The following ZMYM4 variants were observed in gnomAD, a reference collection of about 807,000 sequenced individuals.
ZMYM4 encodes zinc finger MYM-type protein 4.
In ZMYM4, 31 loss-of-function variants were observed where a neutral mutation model predicts 183.2. The ratio of observed to expected loss-of-function variants is 0.17; its 90% confidence interval spans 0.13 to 0.23. The LOEUF is 0.23. Ranked by LOEUF, ZMYM4 falls within the 10% of genes least tolerant of loss-of-function variation. The pLI is 1.00. For missense variants in ZMYM4, 1,273 were observed against 1,840.3 expected (o/e 0.69, Z 5.64); for synonymous variants, 592 against 631.2 (o/e 0.94, Z 0.93).
At chr1:35,323,752 A>G (rs1164896461) in intron 1 of ZMYM4, among the ~76,000 whole-genome samples, 1 of 151,640 alleles carries the variant, frequency 6.6e-6, no homozygotes, top group East Asian at 2.0e-4. Flanking sequence ...ACGGGGTTTC[A>G]CCATAATTAG....
At position 35,411,969 on chromosome 1, in the gene ZMYM4, G is replaced by A. The variant is rs571006731; in HGVS notation, c.3949-2003G>A. On this transcript the variant is annotated intron_variant, in intron 26 of 29. Coordinates refer to ENST00000314607, the MANE Select transcript of ZMYM4 (RefSeq NM_005095.3). ...ACAATCTCAGCTCACTGCAAGCTCCGCCTCCTGGGTTCAACGCCATTCTCC... is the reference window on the plus strand; with the variant it reads ...ACAATCTCAGCTCACTGCAAGCTCCACCTCCTGGGTTCAACGCCATTCTCC... Among the ~76,000 whole-genome samples the A allele has an allele frequency of 2.5e-3, 378 of 151,968 alleles. 1 individual carries two copies. The highest frequency in any genetic ancestry group is 8.7e-3 in the African/African-American group (359 of 41,328).
At chr1:35,289,987 A>G (rs778984242) in intron 1 of ZMYM4, among the ~76,000 whole-genome samples, 10 of 151,312 alleles carry the variant, frequency 6.6e-5, no homozygotes, top group Non-Finnish European at 1.0e-4. Flanking sequence ...CTTTTCTTTC[A>G]GATGGAGTCT....
At chr1:35,361,869 A>G (rs1570438056) in intron 5 of ZMYM4, 80 bp downstream of exon 5, 8 of 1,514,734 alleles carry the variant, frequency 5.3e-6, no homozygotes, top group South Asian at 1.3e-5. Context: ...GTGCTTAAGA[A>G]GTGAAATAGT....
chr1:35,336,531 C>G (rs548177058), intron 2 of ZMYM4, among the ~76,000 whole-genome samples: 10 of 151,896 alleles, frequency 6.6e-5, no homozygotes, highest in African/African-American at 2.2e-4. Flanking sequence ...GGATTACAGG[C>G]GTGTGCCACC....
At chr1:35,302,460 A>T (rs1641334849) in intron 1 of ZMYM4, among the ~76,000 whole-genome samples, 1 of 137,030 alleles carries the variant, frequency 7.3e-6, no homozygotes, top group African/African-American at 2.8e-5. Context: ...ATCTCAGCTC[A>T]CTGCAAGCTC....
chr1:35,390,148 C>CT (rs1294156637), intron 15 of ZMYM4, 50 bp downstream of exon 15: 1 of 1,564,122 alleles, frequency 6.4e-7, no homozygotes, highest in African/African-American at 1.4e-5. Context: ...ATACTAGGAA[C>CT]TACTGTTCTT....
chr1:35,321,440 C>T (rs1203535156), intron 1 of ZMYM4, among the ~76,000 whole-genome samples: 1 of 152,130 alleles, frequency 6.6e-6, no homozygotes, highest in Non-Finnish European at 1.5e-5. Flanking sequence ...GGTTATTTAT[C>T]ATGGCTGGAG....
chr1:35,329,766 C>G (rs1468710687), intron 2 of ZMYM4, among the ~76,000 whole-genome samples: 1 of 152,120 alleles, frequency 6.6e-6, no homozygotes, highest in Non-Finnish European at 1.5e-5. Context: ...GTTGCTGAGA[C>G]TGGCTTCAAA....
chr1:35,299,777 A>ATTCT (rs539228747), intron 1 of ZMYM4, among the ~76,000 whole-genome samples: 1 of 151,766 alleles, frequency 6.6e-6, no homozygotes, highest in Admixed American at 6.6e-5. Context: ...ACCAACAGAG[A>ATTCT]TTCTTTCTTT....
intron 5 of ZMYM4, among the ~76,000 whole-genome samples, chr1:35,368,060 C>T (rs1306490369): frequency 4.3e-5 from 5 of 117,428 alleles, no homozygotes; most frequent in East Asian, 2.8e-4. Flanking sequence ...CCAAATCCAG[C>T]GCCCCCCCCC....
At chr1:35,331,939 G>T (rs938706951) in intron 2 of ZMYM4, among the ~76,000 whole-genome samples, 1 of 151,928 alleles carries the variant, frequency 6.6e-6, no homozygotes, top group Non-Finnish European at 1.5e-5. Flanking sequence ...GTAAAAGTAT[G>T]TTGTAAATGT....
chr1:35,309,935 T>G (rs1477521271), intron 1 of ZMYM4, among the ~76,000 whole-genome samples: 1 of 151,084 alleles, frequency 6.6e-6, no homozygotes, highest in African/African-American at 2.4e-5. Flanking sequence ...TTTTTTGTTT[T>G]TTTTTTTTTG....
intron 2 of ZMYM4, among the ~76,000 whole-genome samples, chr1:35,344,129 C>T (rs1488437641): frequency 6.6e-6 from 1 of 151,542 alleles, no homozygotes; most frequent in African/African-American, 2.4e-5. Context: ...TCTGGGCTCA[C>T]TGCAACCTCT....
Position 35,325,308 on chromosome 1 carries a change from T to G in ZMYM4, c.40-52T>G, listed in dbSNP as rs1642459111. On this transcript the variant is annotated intron_variant, in intron 1 of 29. Coordinates refer to ENST00000314607, the MANE Select transcript of ZMYM4 (RefSeq NM_005095.3). The stretch of plus-strand genomic sequence containing the variant: ...AATAGGGAGGGATACCAAAAGAATG[T>G]ATGATAGAAGATATGATGGTAATGT... The G allele has an allele frequency of 2.0e-6, 3 of 1,536,266 alleles. No individual in the cohort carries two copies. The South Asian group carries it at 3.6e-5, about 18-fold the overall frequency.
intron 26 of ZMYM4, among the ~76,000 whole-genome samples, chr1:35,413,013 C>G (rs1639976177): frequency 6.6e-6 from 1 of 151,996 alleles, no homozygotes; most frequent in South Asian, 2.1e-4. Flanking sequence ...TGGTGTGTCC[C>G]TGTCTCAATT....
rs576277396 is a variant in ZMYM4 at position 35,302,200 on chromosome 1, C to CTTTTTTT, written c.40-23141_40-23135dup. ...ATCCACAAGCTAAAAACGGCTCTTG[C>CTTTTTTT]TTTTTTTTTTTTTTTTTTTTTTTTT... On this transcript the variant is annotated intron_variant, in intron 1 of 29. Coordinates refer to ENST00000314607, the MANE Select transcript of ZMYM4 (RefSeq NM_005095.3). Among the ~76,000 whole-genome samples the CTTTTTTT allele has an allele frequency of 2.7e-3, 159 of 58,536 alleles. 9 individuals are homozygous for CTTTTTTT. The highest frequency in any genetic ancestry group is 8.1e-3 in the African/African-American group (126 of 15,512). 38.4% of individuals were successfully genotyped at this position (58,536 alleles called of 152,430 possible). A position where few individuals can be genotyped will look rare whatever the true frequency, so the allele number is the denominator to read the frequency against.
At chr1:35,371,350 T>G (rs1644209780) in intron 7 of ZMYM4, among the ~76,000 whole-genome samples, 1 of 152,068 alleles carries the variant, frequency 6.6e-6, no homozygotes, top group Admixed American at 6.6e-5. Context: ...TCTCCTGACC[T>G]CGTGATCTGC....
intron 1 of ZMYM4, among the ~76,000 whole-genome samples, chr1:35,319,041 C>T (rs916324903): frequency 6.6e-6 from 1 of 152,020 alleles, no homozygotes; most frequent in Non-Finnish European, 1.5e-5. Context: ...CCATGATGGC[C>T]AGCTAATTTT....
At position 35,399,567 on chromosome 1, in the gene ZMYM4, C is replaced by A; in HGVS notation, c.3519C>A (p.Pro1173=). Residue 1173 remains proline (P), a synonymous_variant, in exon 23 of 30, where the codon CCC becomes CCA. Transcript: ENST00000314607. ...RRRHRDGFPQ[P]RRRGRKKSIV... ...GACACAGAGATGGCTTCCCCCAACC[C>A]AGACGAAGAGTAAGCTGCAGCTTAA... The A allele has an allele frequency of 6.2e-7, 1 of 1,614,130 alleles. No individual in the cohort carries two copies. Among genetic ancestry groups the A allele is most frequent in the Non-Finnish European group, 8.5e-7 (1 of 1,180,008 alleles).
Sources: gnomAD v4.1 joint callset for allele counts (sites outside exome capture counted in the v4.1 genomes callset) on GRCh38, gnomAD v4.1.1 for gene constraint, MANE v1.5 for transcripts, NCBI Gene and HGNC (gene_info 2026-07-23, HGNC 2026-07-21) for gene names.